The following ARID1B variants were observed in gnomAD, a reference collection of about 807,000 sequenced individuals.
ARID1B encodes the protein AT-rich interactive domain-containing protein 1B.
In ARID1B, 30 loss-of-function variants were observed where a neutral mutation model predicts 212.3. That is an observed-to-expected ratio of 0.14 (90% CI 0.11 to 0.19). The LOEUF (loss-of-function observed/expected upper bound fraction) is 0.19. ARID1B is among the 10% of genes least tolerant of loss of function. The pLI, the probability that ARID1B is intolerant of heterozygous loss-of-function variation, is 1.00. For missense variants in ARID1B, 2,891 were observed against 3,204.0 expected (o/e 0.90, Z 2.36); for synonymous variants, 1,402 against 1,301.7 (o/e 1.08, Z -1.66).
In ARID1B at chr6:156,882,183, G is replaced by C. The variant is rs536358724; in HGVS notation, c.1987-19193G>C. Among the ~76,000 whole-genome samples, 3 of 152,186 alleles carry C rather than the reference G, an allele frequency of 2.0e-5. No homozygotes were observed. In the East Asian group the frequency reaches 5.8e-4, roughly 29 times the overall value. On this transcript the variant is annotated intron_variant, in intron 2 of 19. Transcript: ENST00000636930. ...TTACTCTCGTTTCTCTTCTCTGCTA[G>C]TTGAAAGGGAGTCCTCCCTCTCAGC...
intron 1 of ARID1B, among the ~76,000 whole-genome samples, chr6:156,788,803 T>G (rs1366860687): frequency 6.6e-6 from 1 of 152,234 alleles, no homozygotes; most frequent in East Asian, 1.9e-4. Context: ...AAGAGCAATT[T>G]TTTTTAAATG....
chr6:157,072,649 T>C (rs959720838), intron 4 of ARID1B: 15 of 152,236 alleles, frequency 9.9e-5, no homozygotes, highest in African/African-American at 2.9e-4. Flanking sequence ...TTCTAACTTA[T>C]TGCTGTTACA....
chr6:157,039,666 C>CTTCTTTCTTTCTTTCT (rs1781627460), intron 4 of ARID1B, among the ~76,000 whole-genome samples: 9 of 49,380 alleles, frequency 1.8e-4, no homozygotes, highest in African/African-American at 1.2e-3. Flanking sequence ...TCCTTCCTTC[C>CTTCTTTCTTTCTTTCT]TTCCTTCCTT....
intron 6 of ARID1B, among the ~76,000 whole-genome samples, chr6:157,113,477 G>A (rs1464502121): frequency 6.6e-6 from 1 of 152,228 alleles, no homozygotes; most frequent in Non-Finnish European, 1.5e-5. Flanking sequence ...TTCCAGTCAT[G>A]ATGGAAGGTG....
At chr6:156,959,279 A>G (rs138570534) in intron 4 of ARID1B, among the ~76,000 whole-genome samples, 3 of 152,198 alleles carry the variant, frequency 2.0e-5, no homozygotes, top group Non-Finnish European at 2.9e-5. Flanking sequence ...AGTTCCTTAG[A>G]TAAAGTTAGT....
intron 3 of ARID1B, among the ~76,000 whole-genome samples, chr6:156,925,794 T>G (rs1365146222): frequency 6.6e-6 from 1 of 152,158 alleles, no homozygotes; most frequent in Non-Finnish European, 1.5e-5. Flanking sequence ...AGGGATTTAG[T>G]AGTCTTCTGA....
intron 2 of ARID1B, among the ~76,000 whole-genome samples, chr6:156,832,206 C>T (rs991063577): frequency 3.3e-5 from 5 of 152,154 alleles, no homozygotes; most frequent in Admixed American, 3.3e-4. Context: ...TAGCTTGAGT[C>T]TGTGTTCTTT....
chr6:156,905,693 T>C (rs1382528108), intron 3 of ARID1B, among the ~76,000 whole-genome samples: 1 of 152,238 alleles, frequency 6.6e-6, no homozygotes, highest in Non-Finnish European at 1.5e-5. Flanking sequence ...GCATTAGTAT[T>C]GTACTGTTTC....
intron 3 of ARID1B, among the ~76,000 whole-genome samples, chr6:156,925,063 T>C (rs529252532): frequency 6.6e-6 from 1 of 152,276 alleles, no homozygotes; most frequent in South Asian, 2.1e-4. Flanking sequence ...TTTAAAAGCT[T>C]GTCTTAAGTT....
intron 4 of ARID1B, among the ~76,000 whole-genome samples, chr6:156,989,482 A>G (rs1275098191): frequency 1.3e-5 from 2 of 152,264 alleles, no homozygotes; most frequent in African/African-American, 2.4e-5. Flanking sequence ...AAGCCAGTGT[A>G]TAAATTGAAA....
At chr6:156,841,301 TC>T (rs146769734) in intron 2 of ARID1B, among the ~76,000 whole-genome samples, 6,631 of 152,242 alleles carry the variant, frequency 0.044, 505 homozygotes, top group African/African-American at 0.15. Context: ...GTAGCCCATT[TC>T]CAAAGCAGAG....
intron 6 of ARID1B, among the ~76,000 whole-genome samples, chr6:157,116,783 G>T (rs1787346654): frequency 6.6e-6 from 1 of 151,920 alleles, no homozygotes; most frequent in Admixed American, 6.6e-5. Context: ...CTTCATTTCT[G>T]CCCACTTTCC....
chr6:156,886,254 G>A (rs1347971000), intron 2 of ARID1B, among the ~76,000 whole-genome samples: 1 of 152,176 alleles, frequency 6.6e-6, no homozygotes, highest in Admixed American at 6.5e-5. Flanking sequence ...GTGCAATGGT[G>A]TGATCTCAGC....
intron 1 of ARID1B, among the ~76,000 whole-genome samples, chr6:156,787,857 C>G (rs550751318): frequency 4.4e-4 from 67 of 152,070 alleles, no homozygotes; most frequent in Non-Finnish European, 7.6e-4. Context: ...CAGACCTTAG[C>G]TCATTTGGAG....
intron 6 of ARID1B, among the ~76,000 whole-genome samples, chr6:157,131,969 A>T (rs1788582108): frequency 6.6e-6 from 1 of 152,184 alleles, no homozygotes; most frequent in Non-Finnish European, 1.5e-5. Context: ...GATTACAGGC[A>T]TGAGCCTCCA....
At chr6:157,052,089 C>T (rs980005684) in intron 4 of ARID1B, among the ~76,000 whole-genome samples, 1 of 152,088 alleles carries the variant, frequency 6.6e-6, no homozygotes, top group Non-Finnish European at 1.5e-5. Context: ...CCAGGTACGT[C>T]GTATTTTACC....
At chr6:156,929,797 T>G (rs1056792995) in intron 3 of ARID1B, among the ~76,000 whole-genome samples, 1 of 152,194 alleles carries the variant, frequency 6.6e-6, no homozygotes, top group Admixed American at 6.5e-5. Flanking sequence ...TCTAGAGGCC[T>G]CCTCACTGAC....
chr6:157,090,068 G>C (rs1050699969), intron 5 of ARID1B, among the ~76,000 whole-genome samples: 1 of 152,154 alleles, frequency 6.6e-6, no homozygotes, highest in African/African-American at 2.4e-5. Context: ...AAGATTCTGC[G>C]GATGTTAATT....
chr6:157,078,687 A>G (rs1188103072), intron 4 of ARID1B, among the ~76,000 whole-genome samples: 1 of 152,206 alleles, frequency 6.6e-6, no homozygotes, highest in Non-Finnish European at 1.5e-5. Flanking sequence ...ACCTTTGAGA[A>G]CAGCTTTTAT....
Sources: allele counts gnomAD v4.1 joint callset (sites outside exome capture counted in the v4.1 genomes callset), GRCh38; gene constraint gnomAD v4.1.1; transcripts MANE v1.5; gene names NCBI Gene and HGNC (gene_info 2026-07-23, HGNC 2026-07-21).